Variants in MIPOL1 observed in about 807,000 individuals in gnomAD.
MIPOL1 encodes the protein mirror-image polydactyly 1.
A neutral mutation model predicts 60.9 loss-of-function variants in MIPOL1; 57 were observed. That is an observed-to-expected ratio of 0.94 (90% CI 0.76 to 1.17). MIPOL1 has a LOEUF of 1.17. Among genes scored for constraint, MIPOL1 ranks in the 50% most tolerant of loss-of-function variants. MIPOL1 has a pLI of 0.00. For missense variants in MIPOL1, 551 were observed against 511.6 expected, an observed-to-expected ratio of 1.08 and a Z score of -0.74; for synonymous variants, 179 against 168.8, an observed-to-expected ratio of 1.06 and a Z score of -0.47.
chr14:37,353,162 A>G (rs1454582704), intron 9 of MIPOL1, among the ~76,000 whole-genome samples: 3 of 146,034 alleles, frequency 2.1e-5, no homozygotes, highest in East Asian at 2.0e-4. Context: ...TATTGAGATA[A>G]TCATGTGGTT....
At chr14:37,403,865 C>T (rs1455879525) in intron 10 of MIPOL1, among the ~76,000 whole-genome samples, 1 of 152,118 alleles carries the variant, frequency 6.6e-6, no homozygotes, top group South Asian at 2.1e-4. Context: ...GTGCATTCAT[C>T]CAGCTCTAAT....
intron 6 of MIPOL1, among the ~76,000 whole-genome samples, chr14:37,279,941 C>T (rs1054078199): frequency 1.3e-5 from 2 of 152,100 alleles, no homozygotes; most frequent in Non-Finnish European, 2.9e-5. Context: ...CTTCTTTCCT[C>T]CTCCACCCTC....
At chr14:37,365,585 T>C (rs1453916289) in intron 9 of MIPOL1, among the ~76,000 whole-genome samples, 1 of 152,134 alleles carries the variant, frequency 6.6e-6, no homozygotes, top group Non-Finnish European at 1.5e-5. Context: ...ATGATCTTTT[T>C]AACGTATTGT....
At chr14:37,508,644 G>A (rs1338680269) in intron 12 of MIPOL1, among the ~76,000 whole-genome samples, 1 of 152,030 alleles carries the variant, frequency 6.6e-6, no homozygotes, top group East Asian at 1.9e-4. Context: ...ATCTCATAAC[G>A]TTGCCATGAT....
intron 10 of MIPOL1, among the ~76,000 whole-genome samples, chr14:37,372,614 G>A (rs2092670092): frequency 6.6e-6 from 1 of 151,990 alleles, no homozygotes. Context: ...AATGAGCAAG[G>A]CGTGGTGGTG....
chr14:37,278,546 A>G (rs1341081047), intron 6 of MIPOL1: 3 of 151,828 alleles, frequency 2.0e-5, no homozygotes, highest in Admixed American at 6.6e-5. Context: ...GAATTTTCCA[A>G]CATGAATTAT....
At chr14:37,423,797 T>C (rs1167712351) in intron 11 of MIPOL1, 1 of 152,168 alleles carries the variant, frequency 6.6e-6, no homozygotes, top group Non-Finnish European at 1.5e-5. Flanking sequence ...AAATAAGTTT[T>C]ACTGAAGTAC....
At chr14:37,530,277 C>T (rs764723806) in intron 12 of MIPOL1, among the ~76,000 whole-genome samples, 3 of 152,084 alleles carry the variant, frequency 2.0e-5, no homozygotes, top group Admixed American at 6.6e-5. Context: ...TATTTCAATA[C>T]TAAGAACTAA....
At chr14:37,445,065 G>T (rs958155910) in intron 11 of MIPOL1, among the ~76,000 whole-genome samples, 6 of 152,182 alleles carry the variant, frequency 3.9e-5, no homozygotes, top group African/African-American at 1.4e-4. Context: ...AGTGTTGGAA[G>T]TTCTGGCCAG....
intron 9 of MIPOL1, among the ~76,000 whole-genome samples, chr14:37,358,880 T>G (rs1034428463): frequency 9.9e-5 from 15 of 152,188 alleles, no homozygotes; most frequent in African/African-American, 3.4e-4. Flanking sequence ...GCCCTTGCTT[T>G]TGGTGTTTTA....
At chr14:37,379,919 T>G (rs1212382035) in intron 10 of MIPOL1, among the ~76,000 whole-genome samples, 1 of 152,102 alleles carries the variant, frequency 6.6e-6, no homozygotes, top group African/African-American at 2.4e-5. Flanking sequence ...CCTTCAACCA[T>G]TCTCTTTCTA....
chr14:37,385,325 TCTTA>T (rs1453219618), intron 10 of MIPOL1, among the ~76,000 whole-genome samples: 1 of 152,078 alleles, frequency 6.6e-6, no homozygotes, highest in African/African-American at 2.4e-5. Flanking sequence ...CACTTTAAGC[TCTTA>T]CTTATTCTGA....
chr14:37,263,398 A>G (rs1002806025), intron 3 of MIPOL1, among the ~76,000 whole-genome samples: 1 of 152,200 alleles, frequency 6.6e-6, no homozygotes, highest in African/African-American at 2.4e-5. Context: ...TAGCAATAGC[A>G]GTAGGTGGCA....
chr14:37,408,416 G>A (rs2093627781), intron 10 of MIPOL1, among the ~76,000 whole-genome samples: 1 of 152,048 alleles, frequency 6.6e-6, no homozygotes, highest in Admixed American at 6.6e-5. Context: ...GGTCACTTGA[G>A]CCCAGTAGTT....
At chr14:37,376,345 C>T (rs1203783724) in intron 10 of MIPOL1, among the ~76,000 whole-genome samples, 1 of 152,188 alleles carries the variant, frequency 6.6e-6, no homozygotes, top group Non-Finnish European at 1.5e-5. Flanking sequence ...TTCATCCCTC[C>T]TGACCAGCTT....
chr14:37,230,061 G>T (rs1036565240), intron 1 of MIPOL1, among the ~76,000 whole-genome samples: 2 of 152,072 alleles, frequency 1.3e-5, no homozygotes, highest in Non-Finnish European at 2.9e-5. Flanking sequence ...TAAGAGAGTA[G>T]ATTTTGTGTT....
intron 3 of MIPOL1, among the ~76,000 whole-genome samples, chr14:37,266,159 G>A (rs925374707): frequency 1.3e-5 from 2 of 152,146 alleles, no homozygotes; most frequent in African/African-American, 4.8e-5. Flanking sequence ...GATTGAAGAA[G>A]ATAGTGTGGT....
intron 11 of MIPOL1, among the ~76,000 whole-genome samples, chr14:37,426,628 GTATATATA>G (rs200303566): frequency 9.6e-6 from 1 of 104,548 alleles, no homozygotes; most frequent in Non-Finnish European, 2.0e-5. Flanking sequence ...ATGTATATAT[GTATATATA>G]TATATTATAT....
intron 10 of MIPOL1, among the ~76,000 whole-genome samples, chr14:37,420,759 T>C (rs1353387306): frequency 6.6e-6 from 1 of 152,134 alleles, no homozygotes; most frequent in African/African-American, 2.4e-5. Flanking sequence ...CTTGGTTTTC[T>C]TCTGAGGCTA....
Sources: gnomAD v4.1 joint callset for allele counts (sites outside exome capture counted in the v4.1 genomes callset) on GRCh38, gnomAD v4.1.1 for gene constraint, MANE v1.5 for transcripts, NCBI Gene and HGNC (gene_info 2026-07-23, HGNC 2026-07-21) for gene names.